Variants in GRIN2A observed in about 807,000 individuals in gnomAD.
GRIN2A encodes the protein glutamate ionotropic receptor NMDA type subunit 2A.
Under a neutral mutation model 113.4 loss-of-function variants are expected in GRIN2A, and 22 were observed. The ratio of observed to expected loss-of-function variants is 0.19; its 90% confidence interval spans 0.14 to 0.28. The LOEUF (loss-of-function observed/expected upper bound fraction) is 0.28, where lower values mean the gene tolerates loss of function less well. GRIN2A is among the 10% of genes least tolerant of loss of function. The probability of loss-of-function intolerance (pLI) is 1.00; values close to 1 mark genes in which losing one functional copy is unlikely to be tolerated. For synonymous variants in GRIN2A, 827 were observed against 738.4 expected, an observed-to-expected ratio of 1.12 and a Z score of -1.94; for missense variants, 1,502 against 1,887.0, an observed-to-expected ratio of 0.80 and a Z score of 3.78.
intron 2 of GRIN2A, among the ~76,000 whole-genome samples, chr16:9,956,298 C>T (rs1156346395): frequency 6.6e-6 from 1 of 152,028 alleles, no homozygotes; most frequent in Non-Finnish European, 1.5e-5. Context: ...CCACATAATA[C>T]CCATACTTAA....
intron 2 of GRIN2A, among the ~76,000 whole-genome samples, chr16:10,135,169 G>A (rs984435972): frequency 2.0e-5 from 3 of 152,180 alleles, no homozygotes; most frequent in African/African-American, 7.2e-5. Flanking sequence ...TTCATTGCTT[G>A]CAAGTTCAGA....
chr16:9,784,319 A>G (rs1902092535), intron 11 of GRIN2A, among the ~76,000 whole-genome samples: 1 of 151,776 alleles, frequency 6.6e-6, no homozygotes, highest in Non-Finnish European at 1.5e-5. Flanking sequence ...AATCCCAGCT[A>G]CTCGGGAGGC....
At chr16:9,982,448 C>T (rs772732058) in intron 2 of GRIN2A, among the ~76,000 whole-genome samples, 17 of 152,282 alleles carry the variant, frequency 1.1e-4, no homozygotes, top group Non-Finnish European at 1.9e-4. Flanking sequence ...ATTTATTACC[C>T]GGAACTACGC....
chr16:10,020,942 AG>A (rs1464618907), intron 2 of GRIN2A, among the ~76,000 whole-genome samples: 1 of 152,206 alleles, frequency 6.6e-6, no homozygotes, highest in Non-Finnish European at 1.5e-5. Flanking sequence ...GCACTTCTCC[AG>A]CCTGTGCATG....
chr16:10,137,123 C>T (rs377304808), intron 2 of GRIN2A, among the ~76,000 whole-genome samples: 2 of 152,144 alleles, frequency 1.3e-5, no homozygotes, highest in African/African-American at 4.8e-5. Context: ...TGCAGGTGGG[C>T]TAAACCTGCT....
intron 5 of GRIN2A, among the ~76,000 whole-genome samples, chr16:9,842,754 T>A (rs1187471784): frequency 3.3e-5 from 5 of 152,026 alleles, no homozygotes; most frequent in African/African-American, 1.2e-4. Flanking sequence ...CTGGCCAACA[T>A]GGAGAAACCC....
chr16:10,180,156 C>A lies in GRIN2A; in HGVS notation c.256G>T (p.Val86Leu), dbSNP rs758742694. The change falls in exon 2 of 13, where the codon GTG (valine) becomes TTG (leucine). Residue 86 changes from valine (V) to leucine (L), a missense_variant. By Grantham distance (32) the Val-to-Leu change is conservative. This residue lies in a region of GRIN2A where 149 missense variants were observed against 179.1 expected (regional missense o/e 0.83). Coordinates refer to ENST00000330684, the MANE Select transcript of GRIN2A (RefSeq NM_001134407.3). The surrounding 1 kb of genome is among the most constrained non-coding windows in gnomAD (Gnocchi z 7.0). Reference protein sequence around the residue: ...RTDPKSLITHVCDLMSGARIH... With the variant: ...RTDPKSLITHLCDLMSGARIH... ...CGTGCCCCGGACATGAGGTCGCACACGTGCGTGATGAGGCTCTTGGGGTCG... is the reference window on the plus strand; with the variant it reads ...CGTGCCCCGGACATGAGGTCGCACAAGTGCGTGATGAGGCTCTTGGGGTCG... The A allele has an allele frequency of 6.2e-7, 1 of 1,614,202 alleles. No homozygotes were observed. The highest frequency in any genetic ancestry group is 8.5e-7 in the Non-Finnish European group (1 of 1,180,038).
intron 2 of GRIN2A, among the ~76,000 whole-genome samples, chr16:9,963,850 T>A (rs545966191): frequency 1.5e-3 from 225 of 152,324 alleles, no homozygotes; most frequent in Admixed American, 5.6e-3. Context: ...ACAAACTCCC[T>A]GCCTCATGGG....
intron 3 of GRIN2A, among the ~76,000 whole-genome samples, chr16:9,920,706 A>G (rs936418139): frequency 6.6e-6 from 1 of 151,972 alleles, no homozygotes; most frequent in African/African-American, 2.4e-5. Context: ...AGCTGGGACT[A>G]CAGGTGCACG....
At chr16:9,802,569 C>A (rs8053228) in intron 10 of GRIN2A, among the ~76,000 whole-genome samples, 1 of 152,004 alleles carries the variant, frequency 6.6e-6, no homozygotes, top group African/African-American at 2.4e-5. Flanking sequence ...CCCACTGAGG[C>A]CTCACAACTG....
At chr16:9,873,510 G>A (rs1208591437) in intron 4 of GRIN2A, among the ~76,000 whole-genome samples, 1 of 151,536 alleles carries the variant, frequency 6.6e-6, no homozygotes, top group African/African-American at 2.4e-5. Context: ...AGACCAGCCT[G>A]AGAAACAAAG....
intron 8 of GRIN2A, among the ~76,000 whole-genome samples, chr16:9,833,773 G>T (rs1383421164): frequency 6.6e-6 from 1 of 152,208 alleles, no homozygotes; most frequent in Non-Finnish European, 1.5e-5. Flanking sequence ...AGGCTGGAGT[G>T]CAGTGGCACA....
At chr16:9,986,497 G>T (rs1285927012) in intron 2 of GRIN2A, among the ~76,000 whole-genome samples, 4 of 152,014 alleles carry the variant, frequency 2.6e-5, no homozygotes, top group African/African-American at 7.2e-5. Context: ...GAGTGCGGTG[G>T]CTCACACCTG....
At chr16:10,145,484 T>A (rs1157395547) in intron 2 of GRIN2A, among the ~76,000 whole-genome samples, 1 of 151,104 alleles carries the variant, frequency 6.6e-6, no homozygotes, top group Non-Finnish European at 1.5e-5. Flanking sequence ...CAGTTTTTAA[T>A]ATTATTTAGA....
intron 4 of GRIN2A, among the ~76,000 whole-genome samples, chr16:9,860,584 C>G (rs538126317): frequency 2.6e-5 from 4 of 151,540 alleles, no homozygotes; most frequent in Non-Finnish European, 5.9e-5. Flanking sequence ...TTACTGAAAT[C>G]AATCCCCCAA....
intron 2 of GRIN2A, among the ~76,000 whole-genome samples, chr16:10,007,787 G>A (rs935841911): frequency 6.6e-6 from 1 of 152,172 alleles, no homozygotes; most frequent in Admixed American, 6.5e-5. Context: ...AAGAGGCTGT[G>A]TAGCTGGAGA....
intron 2 of GRIN2A, among the ~76,000 whole-genome samples, chr16:9,944,242 C>T (rs758221120): frequency 4.6e-5 from 7 of 152,148 alleles, no homozygotes; most frequent in Non-Finnish European, 1.0e-4. Context: ...TTCTGTTACT[C>T]TCATAGTGTA....
chr16:10,013,700 A>C (rs1372692358), intron 2 of GRIN2A, among the ~76,000 whole-genome samples: 2 of 152,328 alleles, frequency 1.3e-5, no homozygotes, highest in East Asian at 3.9e-4. Flanking sequence ...AGGACAGCGA[A>C]ACCATGACCA....
Position 10,149,942 on chromosome 16 carries a change from G to A in GRIN2A, c.414+30056C>T, listed in dbSNP as rs1235860099. ...ATGATTCAAGAATTGTACAGATCTCGAACCAGAACAGGTGTGAAGAGGCTC... is the reference window on the plus strand; with the variant it reads ...ATGATTCAAGAATTGTACAGATCTCAAACCAGAACAGGTGTGAAGAGGCTC... On this transcript the variant is annotated intron_variant, in intron 2 of 12. Transcript: ENST00000330684. Among the ~76,000 whole-genome samples the A allele has an allele frequency of 3.3e-5, 5 of 152,298 alleles. No homozygotes were observed. The East Asian group carries it at 5.8e-4, about 18-fold the overall frequency.
Sources: gnomAD v4.1 joint callset for allele counts (sites outside exome capture counted in the v4.1 genomes callset) on GRCh38, gnomAD v4.1.1 for gene constraint, gnomAD v4.1.1 regional missense constraint, Gnocchi (gnomAD v3.1) non-coding constraint, MANE v1.5 for transcripts, NCBI Gene and HGNC (gene_info 2026-07-23, HGNC 2026-07-21) for gene names.